The following SERGEF variants were observed in gnomAD, a reference collection of about 807,000 sequenced individuals.
SERGEF encodes secretion-regulating guanine nucleotide exchange factor.
A neutral mutation model predicts 50.0 loss-of-function variants in SERGEF; 51 were observed. The observed-to-expected ratio is 1.02, with a 90% CI of 0.81 to 1.29. The LOEUF (loss-of-function observed/expected upper bound fraction) is 1.29, where lower values mean the gene tolerates loss of function less well. Among genes scored for constraint, SERGEF ranks in the 50% most tolerant of loss-of-function variants. SERGEF has a pLI of 0.00. For synonymous variants in SERGEF, 205 were observed against 212.4 expected (o/e 0.97, Z 0.30); for missense variants, 521 against 557.0 (o/e 0.94, Z 0.65).
In SERGEF at chr11:17,885,657, GTCACAGTTA is replaced by G. The variant is rs140933901; in HGVS notation, c.1012-7422_1012-7414del. 8.2e-3 allele frequency among the ~76,000 whole-genome samples: 1,242 copies of G among 151,872 alleles called. 119 individuals carry two copies. In the East Asian group the frequency reaches 0.2, roughly 25 times the overall value. On this transcript the variant is annotated intron_variant, in intron 9 of 10. Coordinates refer to ENST00000265965, the MANE Select transcript of SERGEF (RefSeq NM_012139.4). ...TCTGATTTTTTTTTTAATTAAAGTT[GTCACAGTTA>G]TCAAAGTCTCATTACTGTTTAACAC...
At chr11:17,995,756 A>C (rs1464052278) in intron 6 of SERGEF, 40 bp downstream of exon 6, 1 of 1,379,242 alleles carries the variant, frequency 7.3e-7, no homozygotes, top group Non-Finnish European at 1.0e-6. Flanking sequence ...CTACTTCCTG[A>C]CAAAGAACAA....
chr11:17,883,345 T>C (rs1336407185), intron 9 of SERGEF, among the ~76,000 whole-genome samples: 4 of 152,214 alleles, frequency 2.6e-5, no homozygotes, highest in Non-Finnish European at 5.9e-5. Context: ...AATGTGAAAA[T>C]GCTTGCCAAC....
intron 9 of SERGEF, among the ~76,000 whole-genome samples, chr11:17,932,757 T>C (rs1852378742): frequency 6.6e-6 from 1 of 152,066 alleles, no homozygotes; most frequent in South Asian, 2.1e-4. Context: ...GGGGTGGGAA[T>C]AGAGATGCGG....
At chr11:17,910,193 ACTCTCT>A (rs1219567785) in intron 9 of SERGEF, among the ~76,000 whole-genome samples, 2 of 145,638 alleles carry the variant, frequency 1.4e-5, no homozygotes, top group Non-Finnish European at 3.0e-5. Context: ...ACACACACAC[ACTCTCT>A]CTCTCTCTCT....
chr11:17,968,756 C>T (rs1419521099), intron 8 of SERGEF, among the ~76,000 whole-genome samples: 3 of 149,736 alleles, frequency 2.0e-5, no homozygotes, highest in South Asian at 2.1e-4. Flanking sequence ...GAGCTTAAAT[C>T]TAATGAGGGG....
intron 10 of SERGEF, among the ~76,000 whole-genome samples, chr11:17,845,419 G>T (rs2133866456): frequency 6.6e-6 from 1 of 152,264 alleles, no homozygotes; most frequent in Middle Eastern, 3.4e-3. Flanking sequence ...GTGCAGAAAG[G>T]GTTCCAAACA....
rs189899005 is a variant in SERGEF, at chr11:17,882,602, T to A, written c.1012-4358A>T. Among the ~76,000 whole-genome samples, 276 of 152,232 alleles carry A rather than the reference T, an allele frequency of 1.8e-3. 2 individuals are homozygous for A. The highest frequency in any genetic ancestry group is 6.8e-3 in the Middle Eastern group (2 of 294). ...GTGCATGTGTTAGGTCCTCTGTCTC[T>A]CAGACATCTAGAAGACTGCCTGCTC... On this transcript the variant is annotated intron_variant, in intron 9 of 10. Coordinates refer to ENST00000265965, the MANE Select transcript of SERGEF (RefSeq NM_012139.4).
chr11:18,006,865 A>C (rs1854085417), intron 2 of SERGEF, 119 bp from the exon 3 acceptor site: 8 of 1,154,986 alleles, frequency 6.9e-6, no homozygotes, highest in Non-Finnish European at 1.0e-5. Context: ...TTGCCATCCA[A>C]GTTAATAAGC....
At chr11:17,987,157 G>C (rs940470210) in intron 8 of SERGEF, among the ~76,000 whole-genome samples, 1 of 152,208 alleles carries the variant, frequency 6.6e-6, no homozygotes, top group African/African-American at 2.4e-5. Context: ...AGAATCCAAA[G>C]AGACAAAGAA....
chr11:17,808,628 A>G (rs536908531), intron 10 of SERGEF, among the ~76,000 whole-genome samples: 2 of 152,302 alleles, frequency 1.3e-5, no homozygotes, highest in African/African-American at 4.8e-5. Context: ...ATGTCACCCA[A>G]TGATAATTAC....
intron 9 of SERGEF, among the ~76,000 whole-genome samples, chr11:17,958,056 G>GTGGTATTGT (rs1852912748): frequency 6.6e-6 from 1 of 152,138 alleles, no homozygotes; most frequent in Non-Finnish European, 1.5e-5. Context: ...AATTGTCTTT[G>GTGGTATTGT]TGGTATTGTT....
intron 9 of SERGEF, among the ~76,000 whole-genome samples, chr11:17,903,579 G>A (rs1002951612): frequency 2.0e-5 from 3 of 152,222 alleles, no homozygotes; most frequent in Non-Finnish European, 4.4e-5. Context: ...GGAGAGGCCT[G>A]GGCAGCAAGC....
At chr11:17,859,196 G>T (rs544938279) in intron 10 of SERGEF, among the ~76,000 whole-genome samples, 2 of 152,174 alleles carry the variant, frequency 1.3e-5, no homozygotes, top group South Asian at 4.2e-4. Flanking sequence ...ACAGAGTCAA[G>T]GCAGAGAAGA....
At chr11:17,795,124 A>G (rs1849552125) in intron 10 of SERGEF, among the ~76,000 whole-genome samples, 1 of 152,150 alleles carries the variant, frequency 6.6e-6, no homozygotes, top group Non-Finnish European at 1.5e-5. Context: ...AGGCTGACGG[A>G]GAGGAGGGGT....
At chr11:17,838,122 C>T (rs1355197386) in intron 10 of SERGEF, among the ~76,000 whole-genome samples, 4 of 152,166 alleles carry the variant, frequency 2.6e-5, no homozygotes, top group South Asian at 2.1e-4. Context: ...CATAACAACA[C>T]GAAAGAGTCC....
chr11:17,998,372 A>C (rs1853880201), intron 5 of SERGEF, among the ~76,000 whole-genome samples: 1 of 149,744 alleles, frequency 6.7e-6, no homozygotes, highest in Non-Finnish European at 1.5e-5. Flanking sequence ...AACCATGAAC[A>C]CACCACTGTA....
chr11:17,940,016 G>A (rs1590209129), intron 9 of SERGEF, among the ~76,000 whole-genome samples: 2 of 152,158 alleles, frequency 1.3e-5, no homozygotes, highest in Non-Finnish European at 2.9e-5. Context: ...TTATTACAGA[G>A]GAAAGAGCCC....
intron 10 of SERGEF, among the ~76,000 whole-genome samples, chr11:17,832,085 G>A (rs1320072735): frequency 1.3e-5 from 2 of 152,150 alleles, no homozygotes; most frequent in Non-Finnish European, 2.9e-5. Flanking sequence ...TCTGACCTTG[G>A]GTTAGCAACT....
intron 10 of SERGEF, among the ~76,000 whole-genome samples, chr11:17,861,486 A>G (rs1225928898): frequency 6.6e-6 from 1 of 152,236 alleles, no homozygotes; most frequent in Non-Finnish European, 1.5e-5. Context: ...CAAATCATGC[A>G]ATCCTTCTGA....
Sources: gnomAD v4.1 joint callset for allele counts (sites outside exome capture counted in the v4.1 genomes callset) on GRCh38, gnomAD v4.1.1 for gene constraint, MANE v1.5 for transcripts, NCBI Gene and HGNC (gene_info 2026-07-23, HGNC 2026-07-21) for gene names.